Variants in NQO2 observed in about 807,000 individuals in gnomAD.
NQO2 encodes N-ribosyldihydronicotinamide:quinone dehydrogenase 2.
A neutral mutation model predicts 22.0 loss-of-function variants in NQO2; 18 were observed. The ratio of observed to expected loss-of-function variants is 0.82; its 90% confidence interval spans 0.56 to 1.21. The LOEUF (loss-of-function observed/expected upper bound fraction) is 1.21, where lower values mean the gene tolerates loss of function less well. Ranked by LOEUF, NQO2 falls within the 50% of genes most tolerant of loss-of-function variation. The pLI is 0.00. For synonymous variants in NQO2, 106 were observed against 110.8 expected (o/e 0.96, Z 0.28); for missense variants, 267 against 286.9 (o/e 0.93, Z 0.50).
intron 1 of NQO2, among the ~76,000 whole-genome samples, chr6:3,005,490 T>G (rs574733235): frequency 6.6e-6 from 1 of 152,320 alleles, no homozygotes; most frequent in Non-Finnish European, 1.5e-5. Flanking sequence ...TCCCTAATGA[T>G]TAGTGATGCT....
Position 3,000,852 on chromosome 6 carries a change from CT to C in NQO2, c.-86+777del, listed in dbSNP as rs146718236. ...GCTCCCGGCCCTCTTTTTCTTTTTT[CT>C]TTTTTTTTTAGAAGAGTCTCACTCT... On this transcript the variant is annotated intron_variant, in intron 1 of 6. Coordinates refer to ENST00000380455, the MANE Select transcript of NQO2 (RefSeq NM_000904.6). 3.1e-3 allele frequency among the ~76,000 whole-genome samples: 452 copies of C among 143,500 alleles called. 2 individuals are homozygous for C. The highest frequency in any genetic ancestry group is 4.9e-3 in the Non-Finnish European group (320 of 65,446). The allele number at this position is 143,500 out of a possible 152,430, so 94.1% of individuals were successfully genotyped here.
chr6:3,015,797 G>C (rs184355935), intron 5 of NQO2, among the ~76,000 whole-genome samples, 154 bp downstream of exon 5: 1 of 152,232 alleles, frequency 6.6e-6, no homozygotes, highest in Admixed American at 6.5e-5. Flanking sequence ...CTGCACACGG[G>C]TGGACACAGC....
intron 1 of NQO2, among the ~76,000 whole-genome samples, chr6:3,004,821 G>A (rs1044670201): frequency 2.6e-5 from 4 of 152,060 alleles, no homozygotes; most frequent in Admixed American, 6.5e-5. Context: ...TCCTACTGTG[G>A]TACAGAACAT....
intron 4 of NQO2, 114 bp from the exon 5 acceptor site, chr6:3,015,416 A>G (rs931819219): frequency 1.3e-6 from 2 of 1,482,324 alleles, no homozygotes; most frequent in Non-Finnish European, 1.8e-6. Flanking sequence ...TCACCTGCCC[A>G]GCTGCCAGGG....
rs144055532 is a variant in NQO2 at position 3,019,545 on chromosome 6, G to T, written c.586G>T (p.Ala196Ser). Reference sequence around the variant, plus strand: ...TCAGATCAGCTTTGCTCCTGAAATTGCATCCGAAGAAGAAAGAAAGGGGAT... The same window carrying T: ...TCAGATCAGCTTTGCTCCTGAAATTTCATCCGAAGAAGAAAGAAAGGGGAT... The part of the protein sequence containing the change: ...APQISFAPEI[A>S]SEEERKGMVA... Residue 196 changes from alanine (A) to serine (S), a missense_variant, in exon 7 of 7, where the codon GCA becomes TCA. Coordinates refer to ENST00000380455, the MANE Select transcript of NQO2 (RefSeq NM_000904.6). The T allele has an allele frequency of 5.2e-4, 846 of 1,614,144 alleles. 5 individuals are homozygous for T. Among genetic ancestry groups the T allele is most frequent in the Middle Eastern group, 5.1e-3 (31 of 6,062 alleles).
intron 1 of NQO2, among the ~76,000 whole-genome samples, chr6:3,001,090 CTTTTT>C (rs66489312): frequency 8.8e-6 from 1 of 114,228 alleles, no homozygotes. Context: ...CTTTCTTTTT[CTTTTT>C]TTTTTTTTTT....
rs1024459023 is a variant in NQO2, at chr6:3,015,249, G to A, written c.304-281G>A. The A allele has an allele frequency of 9.4e-5, 134 of 1,418,006 alleles. No individual in the cohort carries two copies. In the Middle Eastern group the frequency reaches 1.9e-3, roughly 20 times the overall value. The allele number at this position is 1,418,006 out of a possible 1,614,324, so 87.8% of individuals were successfully genotyped here. On this transcript the variant is annotated intron_variant, in intron 4 of 6. Transcript: ENST00000380455. ...TGCTCCAAAGCTGGTGTTACGCACA[G>A]CTCCTCGTCCCCTCCCTGCCTGCCC...
intron 5 of NQO2, 41 bp downstream of exon 5, chr6:3,015,684 G>C: frequency 6.3e-7 from 1 of 1,575,084 alleles, no homozygotes; most frequent in African/African-American, 1.4e-5. Context: ...ATAGTTGGAG[G>C]GAGGGGACAG....
Position 3,006,444 on chromosome 6 carries a change from CT to C in NQO2, c.-85-23del. 2 of 1,587,688 alleles carry C rather than the reference CT, an allele frequency of 1.3e-6. No individual in the cohort carries two copies. Among genetic ancestry groups the C allele is most frequent in the Non-Finnish European group, 8.6e-7 (1 of 1,168,222 alleles). On this transcript the variant is annotated intron_variant, in intron 1 of 6. Transcript: ENST00000380455. The surrounding 1 kb of genome is among the most constrained non-coding windows in gnomAD (Gnocchi z 4.0). ...CCTCACCTATGCCTCTCCCCACCCCCTCTGGGTTCGTTTTGTCTTCCAGATT... is the reference window on the plus strand; with the variant it reads ...CCTCACCTATGCCTCTCCCCACCCCCCTGGGTTCGTTTTGTCTTCCAGATT...
chr6:3,008,611 C>T (rs369751751), intron 2 of NQO2, among the ~76,000 whole-genome samples: 20 of 152,058 alleles, frequency 1.3e-4, no homozygotes, highest in African/African-American at 4.6e-4. Context: ...ATTAGCTGGG[C>T]GTAGTGGCAC....
chr6:3,001,690 C>T (rs929459997), intron 1 of NQO2, among the ~76,000 whole-genome samples: 3 of 151,928 alleles, frequency 2.0e-5, no homozygotes, highest in Non-Finnish European at 4.4e-5. Flanking sequence ...GAAAGAGGCA[C>T]AGGAAAAAAA....
Position 3,008,656 on chromosome 6 carries a change from C to T in NQO2, c.8-1369C>T, listed in dbSNP as rs146932567. 9.0e-3 allele frequency among the ~76,000 whole-genome samples: 1,377 copies of T among 152,182 alleles called. 14 individuals carry two copies. Among genetic ancestry groups the T allele is most frequent in the Admixed American group, 0.012 (184 of 15,280 alleles). ...GGGGGAAATTCAGCCAGATATTGGG[C>T]GAAATTCACCCCCAATATTTCACGT... is the stretch of plus-strand genomic sequence containing the variant. On this transcript the variant is annotated intron_variant, in intron 2 of 6. Coordinates refer to ENST00000380455, the MANE Select transcript of NQO2 (RefSeq NM_000904.6).
intron 6 of NQO2, 59 bp downstream of exon 6, chr6:3,017,044 A>G (rs535726554): frequency 3.9e-5 from 62 of 1,576,700 alleles, no homozygotes; most frequent in Non-Finnish European, 4.8e-5. Flanking sequence ...AGACACACAC[A>G]TGCACACATG....
intron 6 of NQO2, among the ~76,000 whole-genome samples, chr6:3,019,163 G>A (rs1757445488): frequency 6.6e-6 from 1 of 152,126 alleles, no homozygotes; most frequent in Non-Finnish European, 1.5e-5. Context: ...TCTATAGTGT[G>A]AATGTACCAT....
At chr6:3,016,346 G>A (rs926497713) in intron 5 of NQO2, among the ~76,000 whole-genome samples, 6 of 150,222 alleles carry the variant, frequency 4.0e-5, no homozygotes, top group African/African-American at 1.5e-4. Flanking sequence ...CAGGAGACTG[G>A]TTTGAACCTG....
intron 1 of NQO2, among the ~76,000 whole-genome samples, chr6:3,000,584 C>T (rs1756652151): frequency 6.6e-6 from 1 of 152,110 alleles, no homozygotes; most frequent in Non-Finnish European, 1.5e-5. Context: ...CTCTGTCGCC[C>T]AGGCTGGAGT....
intron 1 of NQO2, among the ~76,000 whole-genome samples, chr6:3,001,697 A>T (rs568106259): frequency 2.2e-4 from 34 of 152,348 alleles, no homozygotes; most frequent in African/African-American, 7.9e-4. Flanking sequence ...GCACAGGAAA[A>T]AAAGTGAAAA....
intron 1 of NQO2, among the ~76,000 whole-genome samples, chr6:3,000,632 C>G (rs974329126): frequency 6.6e-6 from 1 of 150,904 alleles, no homozygotes; most frequent in Non-Finnish European, 1.5e-5. Context: ...ACCTCCGCCT[C>G]CCGGGTTCAA....
intron 1 of NQO2, among the ~76,000 whole-genome samples, chr6:3,001,237 G>T (rs951677316): frequency 2.6e-4 from 39 of 151,972 alleles, no homozygotes; most frequent in African/African-American, 8.0e-4. Flanking sequence ...TTACAGGTGC[G>T]TGCCACTACA....
Sources: gnomAD v4.1 joint callset for allele counts (sites outside exome capture counted in the v4.1 genomes callset) on GRCh38, gnomAD v4.1.1 for gene constraint, Gnocchi (gnomAD v3.1) non-coding constraint, MANE v1.5 for transcripts, NCBI Gene and HGNC (gene_info 2026-07-23, HGNC 2026-07-21) for gene names.